TSPAN3: variants seen among roughly 807,000 people sequenced by gnomAD.
TSPAN3 encodes tetraspanin-3.
In TSPAN3, 9 loss-of-function variants were observed where a neutral mutation model predicts 31.1. The observed-to-expected ratio is 0.29, with a 90% CI of 0.17 to 0.50. The LOEUF is 0.50. TSPAN3 is among the 20% of genes least tolerant of loss of function. The probability of loss-of-function intolerance (pLI) is 0.98; values close to 1 mark genes in which losing one functional copy is unlikely to be tolerated. For missense variants in TSPAN3, 252 were observed against 313.5 expected (o/e 0.80, Z 1.48); for synonymous variants, 129 against 114.3 (o/e 1.13, Z -0.82).
At chr15:77,069,276 T>A (rs1005440276) in intron 1 of TSPAN3, among the ~76,000 whole-genome samples, 1 of 152,142 alleles carries the variant, frequency 6.6e-6, no homozygotes, top group African/African-American at 2.4e-5. Context: ...TATGGATGCA[T>A]AAGTAGCAGT....
chr15:77,070,430 G>GATCC (rs1357763081), intron 1 of TSPAN3, among the ~76,000 whole-genome samples: 3 of 152,130 alleles, frequency 2.0e-5, no homozygotes, highest in Non-Finnish European at 4.4e-5. Context: ...CGGCTCCGCA[G>GATCC]CGTCCCCGCG....
intron 6 of TSPAN3, among the ~76,000 whole-genome samples, chr15:77,051,735 G>A (rs886220307): frequency 6.6e-6 from 1 of 151,740 alleles, no homozygotes; most frequent in East Asian, 1.9e-4. Flanking sequence ...GCCCGTGCTT[G>A]TAGTCCCAGC....
chr15:77,058,658 T>C (rs1176781399), intron 1 of TSPAN3, among the ~76,000 whole-genome samples: 1 of 152,196 alleles, frequency 6.6e-6, no homozygotes. Context: ...TCTAGAACAG[T>C]ACTTGGCAGA....
chr15:77,060,542 G>C (rs1378495859), intron 1 of TSPAN3, among the ~76,000 whole-genome samples: 3 of 152,192 alleles, frequency 2.0e-5, no homozygotes, highest in Non-Finnish European at 4.4e-5. Context: ...TAACTAGTAT[G>C]CATAGGGACT....
intron 6 of TSPAN3, among the ~76,000 whole-genome samples, chr15:77,051,686 A>G (rs1433348981): frequency 1.7e-5 from 2 of 117,288 alleles, no homozygotes; most frequent in Non-Finnish European, 1.8e-5. Context: ...CCATTTCTGG[A>G]AAAAAAAAAA....
At chr15:77,048,979 T>C (rs2152695071) in intron 6 of TSPAN3, among the ~76,000 whole-genome samples, 1 of 152,330 alleles carries the variant, frequency 6.6e-6, no homozygotes, top group Non-Finnish European at 1.5e-5. Context: ...AATTCATTCA[T>C]ACATTCTGAT....
Position 77,043,225 on chromosome 15 carries a change from G to T in TSPAN3, c.*3610C>A, listed in dbSNP as rs1276814951. On this transcript the variant is annotated 3_prime_UTR_variant, in exon 7 of 7. Transcript: ENST00000267970. Reference sequence around the variant, plus strand: ...CCCTCGGAGGTCTCTCCACCTTGGGGAACCTCCTCTGAGTTTCCACGTTCC... The same window carrying T: ...CCCTCGGAGGTCTCTCCACCTTGGGTAACCTCCTCTGAGTTTCCACGTTCC... 6.6e-6 allele frequency: 1 copy of T among 152,230 alleles called. No homozygotes were observed. Among genetic ancestry groups the T allele is most frequent in the Admixed American group, 6.5e-5 (1 of 15,272 alleles). 9.4% of individuals were successfully genotyped at this position (152,230 alleles called of 1,614,324 possible).
At position 77,066,632 on chromosome 15, in the gene TSPAN3, C is replaced by T. The variant is rs184461860; in HGVS notation, c.63+4260G>A. On this transcript the variant is annotated intron_variant, in intron 1 of 6. Transcript: ENST00000267970. ...AAAATTTAGTCATTTACCTAAAACA[C>T]TTCTAACCTTCTTCAATAAATCCTC... 4.6e-3 allele frequency among the ~76,000 whole-genome samples: 627 copies of T among 135,336 alleles called. 3 individuals carry two copies. Among genetic ancestry groups the T allele is most frequent in the African/African-American group, 0.017 (612 of 36,598 alleles). The allele number at this position is 135,336 out of a possible 152,430, so 88.8% of individuals were successfully genotyped here. A position where few individuals can be genotyped will look rare whatever the true frequency, so the allele number is the denominator to read the frequency against.
rs1012193777 is a variant in TSPAN3, at chr15:77,041,989, T to C, written c.*4846A>G. On this transcript the variant is annotated 3_prime_UTR_variant, in exon 7 of 7. Coordinates refer to ENST00000267970, the MANE Select transcript of TSPAN3 (RefSeq NM_005724.6). ...CTGGAGGCAGCCTGCAGGCCTGCCC[T>C]TTATACACCTTGGTTAATCATGGTA... 1 of 152,208 alleles carries C rather than the reference T, an allele frequency of 6.6e-6. No individual in the cohort carries two copies. The highest frequency in any genetic ancestry group is 1.5e-5 in the Non-Finnish European group (1 of 68,042). The allele number at this position is 152,208 out of a possible 1,614,324, so 9.4% of individuals were successfully genotyped here. A position where few individuals can be genotyped will look rare whatever the true frequency, so the allele number is the denominator to read the frequency against.
intron 1 of TSPAN3, chr15:77,064,323 A>G (rs1189442469): frequency 6.6e-6 from 1 of 152,094 alleles, no homozygotes; most frequent in Admixed American, 6.5e-5. Flanking sequence ...TGTTTACTCT[A>G]TTTCTCAAAA....
In TSPAN3 at chr15:77,066,571, CAAAAAAAAAAAAAAAAA is replaced by C. The variant is rs35737479; in HGVS notation, c.63+4304_63+4320del. On this transcript the variant is annotated intron_variant, in intron 1 of 6. Transcript: ENST00000267970. Reference sequence around the variant, plus strand: ...TGGGCGACAGAGTAAGACTTCGTCTCAAAAAAAAAAAAAAAAAAAAAAAAAAAAAGCCTTTAAAATTT... The same window carrying C: ...TGGGCGACAGAGTAAGACTTCGTCTCAAAAAAAAAAAAGCCTTTAAAATTT... Among the ~76,000 whole-genome samples the C allele has an allele frequency of 5.1e-5, 3 of 59,354 alleles. No individual in the cohort carries two copies. The Admixed American group carries it at 8.8e-4, about 17-fold the overall frequency. 38.9% of individuals were successfully genotyped at this position (59,354 alleles called of 152,430 possible).
intron 1 of TSPAN3, among the ~76,000 whole-genome samples, chr15:77,062,896 A>C (rs2076808640): frequency 6.6e-6 from 1 of 152,200 alleles, no homozygotes. Context: ...GGGAAAAAAC[A>C]CATATATCAC....
In TSPAN3 at chr15:77,046,602, C is replaced by T. The variant is rs182970139; in HGVS notation, c.*233G>A. 2.4e-5 allele frequency: 13 copies of T among 534,254 alleles called. No individual in the cohort carries two copies. The highest frequency in any genetic ancestry group is 3.8e-5 in the African/African-American group (2 of 52,758). The allele number at this position is 534,254 out of a possible 1,614,324, so 33.1% of individuals were successfully genotyped here. A position where few individuals can be genotyped will look rare whatever the true frequency, so the allele number is the denominator to read the frequency against. On this transcript the variant is annotated 3_prime_UTR_variant, in exon 7 of 7. Transcript: ENST00000267970. ...CTCGCAATTGGTTCTGAAATTAGAA[C>T]GTTCACCATCGTACTTAAAATCTTA...
At chr15:77,065,693 C>A (rs1230661769) in intron 1 of TSPAN3, among the ~76,000 whole-genome samples, 1 of 152,166 alleles carries the variant, frequency 6.6e-6, no homozygotes, top group East Asian at 1.9e-4. Context: ...AGGCATGAGC[C>A]ACCGCACCTG....
intron 1 of TSPAN3, among the ~76,000 whole-genome samples, chr15:77,060,941 A>G (rs1274887798): frequency 6.6e-6 from 1 of 152,156 alleles, no homozygotes; most frequent in African/African-American, 2.4e-5. Flanking sequence ...TTATCTTTTA[A>G]TAAGCCTATA....
chr15:77,054,481 C>G lies in TSPAN3; in HGVS notation c.331-202G>C, dbSNP rs190061534. 13 of 416,788 alleles carry G rather than the reference C, an allele frequency of 3.1e-5. No homozygotes were observed. The East Asian group carries it at 5.3e-4, about 17-fold the overall frequency. 25.8% of individuals were successfully genotyped at this position (416,788 alleles called of 1,614,324 possible). A position where few individuals can be genotyped will look rare whatever the true frequency, so the allele number is the denominator to read the frequency against. On this transcript the variant is annotated intron_variant, in intron 3 of 6. Coordinates refer to ENST00000267970, the MANE Select transcript of TSPAN3 (RefSeq NM_005724.6). Reference sequence around the variant, plus strand: ...GGGAGAAAAGTGACAGGTAAAAATTCAGACATATACCACATACATTCAAGC... The same window carrying G: ...GGGAGAAAAGTGACAGGTAAAAATTGAGACATATACCACATACATTCAAGC...
intron 1 of TSPAN3, among the ~76,000 whole-genome samples, chr15:77,058,585 A>C (rs1271855063): frequency 6.6e-6 from 1 of 152,204 alleles, no homozygotes; most frequent in African/African-American, 2.4e-5. Context: ...AATTATAGCT[A>C]TACCTGTCTC....
chr15:77,064,302 T>C (rs2076818157), intron 1 of TSPAN3: 1 of 152,172 alleles, frequency 6.6e-6, no homozygotes, highest in Non-Finnish European at 1.5e-5. Context: ...GCTGTCAGAC[T>C]ACAGGGACTG....
At chr15:77,070,455 G>C (rs1278122364) in intron 1 of TSPAN3, among the ~76,000 whole-genome samples, 2 of 151,898 alleles carry the variant, frequency 1.3e-5, no homozygotes, top group Non-Finnish European at 2.9e-5. Flanking sequence ...TGCCCGCCTC[G>C]GGACGGCCAC....
Sources: allele counts gnomAD v4.1 joint callset (sites outside exome capture counted in the v4.1 genomes callset), GRCh38; gene constraint gnomAD v4.1.1; transcripts MANE v1.5; gene names NCBI Gene and HGNC (gene_info 2026-07-23, HGNC 2026-07-21).